The following PCDH15 variants were observed in gnomAD, a reference collection of about 807,000 sequenced individuals.
PCDH15 encodes the protein protocadherin-15.
In PCDH15, 129 loss-of-function variants were observed where a neutral mutation model predicts 178.5. That is an observed-to-expected ratio of 0.72 (90% CI 0.63 to 0.84). The LOEUF is 0.84. Among genes scored for constraint, PCDH15 ranks in the 40% least tolerant of loss-of-function variants. The pLI is 0.00. For synonymous variants in PCDH15, 800 were observed against 732.0 expected, an observed-to-expected ratio of 1.09 and a Z score of -1.50; for missense variants, 2,230 against 2,099.9, an observed-to-expected ratio of 1.06 and a Z score of -1.21.
intron 3 of PCDH15, among the ~76,000 whole-genome samples, chr10:54,463,400 T>G (rs900881275): frequency 1.3e-5 from 2 of 152,202 alleles, no homozygotes; most frequent in African/African-American, 4.8e-5. Context: ...GTAAGCAATC[T>G]GAGACCTAGT....
At position 55,294,760 on chromosome 10, in the gene PCDH15, C is replaced by G. The variant is rs1230137855; in HGVS notation, c.-156+24839G>C. ...GACCTGAACTCAGGAATTGCTCACT[C>G]TCACATATAATGTACATATTCTGGA... is the stretch of plus-strand genomic sequence containing the variant. On this transcript the variant is annotated intron_variant, in intron 1 of 5. Transcript: ENST00000458638. Among the ~76,000 whole-genome samples the G allele has an allele frequency of 2.0e-5, 3 of 152,258 alleles. No individual in the cohort carries two copies. In the East Asian group the frequency reaches 5.8e-4, roughly 29 times the overall value.
intron 3 of PCDH15, among the ~76,000 whole-genome samples, chr10:54,853,363 A>G: frequency 7.9e-6 from 1 of 126,878 alleles, no homozygotes; most frequent in East Asian, 3.0e-4. Flanking sequence ...ATATACACAC[A>G]CACATATATA....
At chr10:54,991,019 G>T (rs1432157755) in intron 2 of PCDH15, among the ~76,000 whole-genome samples, 4 of 151,444 alleles carry the variant, frequency 2.6e-5, no homozygotes, top group Non-Finnish European at 5.9e-5. Context: ...AAATAATAAA[G>T]CTCCACAATA....
chr10:55,317,670 T>G (rs16907255), intron 1 of PCDH15, among the ~76,000 whole-genome samples: 25,430 of 151,148 alleles, frequency 0.17, 2,240 homozygotes, highest in South Asian at 0.24. Context: ...AAAAGGTTGT[T>G]AAAATACAGC....
At chr10:54,520,599 C>T (rs1177413498) in intron 3 of PCDH15, among the ~76,000 whole-genome samples, 1 of 151,992 alleles carries the variant, frequency 6.6e-6, no homozygotes, top group Non-Finnish European at 1.5e-5. Flanking sequence ...AACAGGAACA[C>T]TTTTACACTG....
At chr10:54,766,899 C>A (rs543210361) in intron 1 of PCDH15, among the ~76,000 whole-genome samples, 2 of 151,788 alleles carry the variant, frequency 1.3e-5, no homozygotes, top group Non-Finnish European at 2.9e-5. Context: ...CACTGCACTC[C>A]AGCCTGGGCG....
chr10:55,611,423 C>T lies in PCDH15; in HGVS notation c.-156+16202G>A, dbSNP rs1843362320. Among the ~76,000 whole-genome samples the T allele has an allele frequency of 2.0e-5, 3 of 151,950 alleles. No homozygotes were observed. In the South Asian group the frequency reaches 6.2e-4, roughly 32 times the overall value. On this transcript the variant is annotated intron_variant, in intron 2 of 5. Transcript: ENST00000613346. ...AGATATTAAAAGGTGTTCAATATCA[C>T]CATTGATTAGGAAATGCAAATTAAA...
intron 3 of PCDH15, among the ~76,000 whole-genome samples, chr10:54,879,182 T>TTGTGTG (rs5785100): frequency 0.027 from 4,067 of 149,116 alleles, 167 homozygotes; most frequent in African/African-American, 0.091. Context: ...CACGTGCTGT[T>TTGTGTG]TGTGTGTGTG....
At chr10:53,919,917 C>T (rs954803269) in intron 25 of PCDH15, among the ~76,000 whole-genome samples, 1 of 152,028 alleles carries the variant, frequency 6.6e-6, no homozygotes, top group East Asian at 1.9e-4. Context: ...ATATAGATTG[C>T]TAGAATGGGG....
intron 2 of PCDH15, among the ~76,000 whole-genome samples, chr10:54,925,705 G>T (rs1432589340): frequency 6.6e-6 from 1 of 152,038 alleles, no homozygotes; most frequent in East Asian, 1.9e-4. Flanking sequence ...TTTTGTGGCA[G>T]TTGTGAATGG....
At chr10:55,225,231 C>T (rs1044514392) in intron 1 of PCDH15, among the ~76,000 whole-genome samples, 2 of 151,978 alleles carry the variant, frequency 1.3e-5, no homozygotes, top group African/African-American at 2.4e-5. Context: ...ATTTCCCCAA[C>T]TGATAGATGA....
At chr10:54,222,627 T>G (rs1482864244) in intron 9 of PCDH15, among the ~76,000 whole-genome samples, 1 of 152,234 alleles carries the variant, frequency 6.6e-6, no homozygotes, top group Non-Finnish European at 1.5e-5. Flanking sequence ...TTTCAGATCT[T>G]CCACATTTTC....
intron 25 of PCDH15, among the ~76,000 whole-genome samples, chr10:53,919,647 C>T (rs1047160442): frequency 6.6e-6 from 1 of 152,136 alleles, no homozygotes; most frequent in East Asian, 1.9e-4. Context: ...CCCGTAACAA[C>T]ATATAGATGT....
chr10:55,182,721 C>T lies in PCDH15; in HGVS notation c.-155-16070G>A, dbSNP rs116380077. Among the ~76,000 whole-genome samples, 340 of 151,970 alleles carry T rather than the reference C, an allele frequency of 2.2e-3. 1 individual carries two copies. The highest frequency in any genetic ancestry group is 7.8e-3 in the African/African-American group (324 of 41,500). ...ATTACCGTTTTAATGCATAGCAGCA[C>T]AAAGTCTATGGAAAGAAAACAGGAG... is the stretch of plus-strand genomic sequence containing the variant. On this transcript the variant is annotated intron_variant, in intron 1 of 5. Coordinates refer to the PCDH15 transcript ENST00000458638.
chr10:54,961,373 C>A (rs749735836), intron 2 of PCDH15, among the ~76,000 whole-genome samples: 1 of 152,160 alleles, frequency 6.6e-6, no homozygotes, highest in Non-Finnish European at 1.5e-5. Context: ...ACATGAACAT[C>A]CTGGGTGCTA....
intron 18 of PCDH15, among the ~76,000 whole-genome samples, chr10:54,031,745 T>C (rs779886909): frequency 1.3e-5 from 2 of 152,096 alleles, no homozygotes; most frequent in African/African-American, 4.8e-5. Flanking sequence ...TCAGTTCTCA[T>C]GTTAATGGTA....
intron 2 of PCDH15, among the ~76,000 whole-genome samples, chr10:54,963,432 AT>A (rs1471504382): frequency 6.6e-6 from 1 of 151,892 alleles, no homozygotes; most frequent in African/African-American, 2.4e-5. Flanking sequence ...TCTCAGTAAC[AT>A]TTTACCTCCC....
chr10:54,046,055 A>G (rs1015142609), intron 18 of PCDH15, among the ~76,000 whole-genome samples: 2 of 152,186 alleles, frequency 1.3e-5, no homozygotes, highest in Non-Finnish European at 2.9e-5. Flanking sequence ...ATTTCGGAAA[A>G]GACGAAATTC....
At chr10:54,196,499 T>C (rs2049675706) in intron 10 of PCDH15, among the ~76,000 whole-genome samples, 1 of 152,210 alleles carries the variant, frequency 6.6e-6, no homozygotes, top group South Asian at 2.1e-4. Context: ...TAAATACATT[T>C]AGTCAGAAAA....
Sources: gnomAD v4.1 joint callset for allele counts (sites outside exome capture counted in the v4.1 genomes callset) on GRCh38, gnomAD v4.1.1 for gene constraint, MANE v1.5 for transcripts, NCBI Gene and HGNC (gene_info 2026-07-23, HGNC 2026-07-21) for gene names.